Variants in DDHD2 observed in about 807,000 individuals in gnomAD.
The protein encoded by DDHD2 is DDHD domain containing 2, also known as triacylglycerol hydrolase DDHD2.
DDHD2 carries 62 observed loss-of-function variants against 91.2 expected under a neutral mutation model. The ratio of observed to expected loss-of-function variants is 0.68; its 90% CI spans 0.55 to 0.84. DDHD2 has a LOEUF of 0.84. Ranked by LOEUF, DDHD2 falls within the 40% of genes least tolerant of loss-of-function variation. The pLI is 0.00. For missense variants in DDHD2, 740 were observed against 846.9 expected, an observed-to-expected ratio of 0.87 and a Z score of 1.57; for synonymous variants, 271 against 293.9, an observed-to-expected ratio of 0.92 and a Z score of 0.80.
intron 15 of DDHD2, 174 bp downstream of exon 15, chr8:38,253,301 A>C (rs1806256749): frequency 2.4e-6 from 2 of 823,194 alleles, no homozygotes; most frequent in Admixed American, 5.9e-5. Context: ...TTTAGTATAA[A>C]CCCAAGGCAA....
intron 3 of DDHD2, among the ~76,000 whole-genome samples, chr8:38,236,485 G>C (rs1488965799): frequency 6.6e-6 from 1 of 151,690 alleles, no homozygotes; most frequent in Non-Finnish European, 1.5e-5. Flanking sequence ...CTCCTAAGTA[G>C]CTGGGATTAC....
chr8:38,249,663 T>C (rs747749739), intron 10 of DDHD2, 45 bp from the exon 11 acceptor site: 1 of 1,441,924 alleles, frequency 6.9e-7, no homozygotes, highest in Non-Finnish European at 9.6e-7. Context: ...CAGGATTGAT[T>C]TTATTTTGTC....
chr8:38,249,051 G>T (rs775364536), intron 10 of DDHD2, among the ~76,000 whole-genome samples: 65 of 152,058 alleles, frequency 4.3e-4, no homozygotes, highest in Non-Finnish European at 3.8e-4. Flanking sequence ...TCATCAGCAG[G>T]AGTATAATCC....
chr8:38,247,843 T>TA lies in DDHD2; in HGVS notation c.1248+10dup. The TA allele has an allele frequency of 6.4e-7, 1 of 1,553,090 alleles. No homozygotes were observed. Among genetic ancestry groups the TA allele is most frequent in the Admixed American group, 2.3e-5 (1 of 44,278 alleles). On this transcript the variant is annotated intron_variant, in intron 10 of 17. Coordinates refer to ENST00000397166, the MANE Select transcript of DDHD2 (RefSeq NM_015214.3). ...GTAGATAAGGAAGCTCTGGTAAAAA[T>TA]AATCTTTTAAAACTTTATGCCAAGC... is the stretch of plus-strand genomic sequence containing the variant.
At chr8:38,263,608 A>C, downstream of DDHD2, 1 of 985,440 alleles carries the variant, frequency 1.0e-6, no homozygotes, top group African/African-American at 1.7e-5. Flanking sequence ...GACTCAGATA[A>C]GATGCACACA....
chr8:38,242,428 A>G, intron 7 of DDHD2, 43 bp downstream of exon 7: 1 of 1,589,702 alleles, frequency 6.3e-7, no homozygotes, highest in Non-Finnish European at 8.5e-7. Context: ...CTGTGATTAT[A>G]TTTTCTGATC....
At position 38,249,394 on chromosome 8, in the gene DDHD2, G is replaced by A. The variant is rs540156680; in HGVS notation, c.1249-314G>A. On this transcript the variant is annotated intron_variant, in intron 10 of 17. Coordinates refer to ENST00000397166, the MANE Select transcript of DDHD2 (RefSeq NM_015214.3). ...TGGGATTACAGGCGTGAGCCACCGC[G>A]CCTGGCCAGAAATCAAGGAAGATTT... Among the ~76,000 whole-genome samples, 13 of 150,732 alleles carry A rather than the reference G, an allele frequency of 8.6e-5. No homozygotes were observed. In the South Asian group the frequency reaches 2.1e-3, roughly 24 times the overall value.
intron 14 of DDHD2, 51 bp downstream of exon 14, chr8:38,252,875 AG>A: frequency 6.2e-7 from 1 of 1,607,532 alleles, no homozygotes; most frequent in South Asian, 1.1e-5. Context: ...GCCAGTGCAA[AG>A]GGCATCATTC....
intron 13 of DDHD2, 60 bp downstream of exon 13, chr8:38,252,347 A>G (rs1806176251): frequency 6.5e-7 from 1 of 1,530,608 alleles, no homozygotes; most frequent in Admixed American, 2.2e-5. Flanking sequence ...GTTAAAGAAC[A>G]TAGGATTTTC....
intron 1 of DDHD2, chr8:38,232,076 T>A (rs1186442956): frequency 6.5e-6 from 1 of 152,956 alleles, no homozygotes; most frequent in African/African-American, 2.4e-5. Flanking sequence ...GAGCCCGAGC[T>A]CCGAGGGCCC....
At chr8:38,238,658 T>C in intron 5 of DDHD2, 1 of 978,012 alleles carries the variant, frequency 1.0e-6, no homozygotes, top group South Asian at 4.7e-5. Context: ...TATTCCTTTT[T>C]TCTTGTCTCT....
At chr8:38,252,570 A>G in intron 13 of DDHD2, 152 bp from the exon 14 acceptor site, 1 of 676,734 alleles carries the variant, frequency 1.5e-6, no homozygotes, top group Non-Finnish European at 2.4e-6. Context: ...TGAGCCTAGG[A>G]GTTGAAGGCT....
Position 38,245,821 on chromosome 8 carries a change from T to A in DDHD2, c.928T>A (p.Tyr310Asn), listed in dbSNP as rs1463912825. Residue 310 changes from tyrosine (Y) to asparagine (N), a missense_variant, in exon 8 of 18, where the codon TAC becomes AAC. Tyr to Asn is a moderately radical substitution (Grantham distance 143). This residue lies in a region of DDHD2 where 693 missense variants were observed against 764.2 expected (regional missense o/e 0.91). Transcript: ENST00000397166. ...TGACACAATTCTGGATGTCTTCTTC[T>A]ACAATAGTCCCACCTACTGTCAGAC... ...TNDTILDVFF[Y>N]NSPTYCQTIV... 3 of 1,614,040 alleles carry A rather than the reference T, an allele frequency of 1.9e-6. No homozygotes were observed. Among genetic ancestry groups the A allele is most frequent in the East Asian group, 4.5e-5 (2 of 44,904 alleles).
chr8:38,266,458 T>G, downstream of DDHD2: 2 of 744,380 alleles, frequency 2.7e-6, no homozygotes, highest in Non-Finnish European at 4.3e-6. Flanking sequence ...TGGAGTGCAG[T>G]GGCACCATCT....
intron 1 of DDHD2, chr8:38,269,113 G>C (rs879244779): frequency 9.8e-5 from 150 of 1,525,364 alleles, no homozygotes; most frequent in Non-Finnish European, 1.2e-4. Context: ...GCCCGGCCGT[G>C]GATCTTTCTT....
intron 16 of DDHD2, chr8:38,255,426 T>C (rs1806442694): frequency 4.9e-6 from 2 of 406,246 alleles, no homozygotes; most frequent in Non-Finnish European, 9.5e-6. Context: ...GGGCAGTACA[T>C]TCATATGGTT....
downstream of DDHD2, chr8:38,264,007 T>C (rs1432025974): frequency 2.5e-5 from 25 of 986,064 alleles, no homozygotes; most frequent in Non-Finnish European, 3.0e-5. Flanking sequence ...GGGGCAAAAG[T>C]GTGTAATCAT....
chr8:38,266,127 A>T, downstream of DDHD2: 1 of 1,612,898 alleles, frequency 6.2e-7, no homozygotes, highest in East Asian at 2.2e-5. Context: ...CCATAGCCTG[A>T]GTACTTTGCT....
In DDHD2 at chr8:38,261,090, T is replaced by C. The variant is rs960949802; in HGVS notation, c.*517T>C. 4 of 152,170 alleles carry C rather than the reference T, an allele frequency of 2.6e-5. No individual in the cohort carries two copies. The highest frequency in any genetic ancestry group is 9.7e-5 in the African/African-American group (4 of 41,436). The allele number at this position is 152,170 out of a possible 1,614,324, so 9.4% of individuals were successfully genotyped here. ...AGTGGACATGGAAAAGACTTTTGGG[T>C]GATTTATTTTTGAACCTGCATTTCT... On this transcript the variant is annotated 3_prime_UTR_variant, in exon 18 of 18. Transcript: ENST00000397166.
Sources: gnomAD v4.1 joint callset for allele counts (sites outside exome capture counted in the v4.1 genomes callset) on GRCh38, gnomAD v4.1.1 for gene constraint, gnomAD v4.1.1 regional missense constraint, MANE v1.5 for transcripts, NCBI Gene and HGNC (gene_info 2026-07-23, HGNC 2026-07-21) for gene names.